CCDC39: variants seen among roughly 807,000 people sequenced by gnomAD.
CCDC39 encodes coiled-coil domain 39 molecular ruler complex subunit.
CCDC39 carries 113 observed loss-of-function variants against 121.0 expected under a neutral mutation model. The observed-to-expected ratio is 0.93, with a 90% CI of 0.80 to 1.09. CCDC39 has a LOEUF of 1.09. CCDC39 is among the 50% of genes least tolerant of loss of function. The pLI is 0.00. For missense variants in CCDC39, 1,063 were observed against 1,074.7 expected (o/e 0.99, Z 0.15); for synonymous variants, 349 against 352.2 (o/e 0.99, Z 0.10).
In CCDC39 at chr3:180,636,165, T is replaced by C. The variant is rs533405938; in HGVS notation, c.1875-4573A>G. On this transcript the variant is annotated intron_variant, in intron 13 of 19. Transcript: ENST00000476379. ...AATAGGAAGAGAGGAAGTCAAACTA[T>C]CCTTGTTTGCAGATGATATGATTCT... Among the ~76,000 whole-genome samples, 3 of 152,262 alleles carry C rather than the reference T, an allele frequency of 2.0e-5. No homozygotes were observed. The South Asian group carries it at 6.2e-4, about 32-fold the overall frequency.
At position 180,648,336 on chromosome 3, in the gene CCDC39, G is replaced by A. The variant is rs748978157; in HGVS notation, c.1191C>T (p.Leu397=). 1.9e-6 allele frequency: 3 copies of A among 1,582,992 alleles called. No homozygotes were observed. Among genetic ancestry groups the A allele is most frequent in the South Asian group, 2.4e-5 (2 of 84,910 alleles). ...DVKEVDVQLN[L]IKGVLFKKAQ... ...CTTTCTTAAACAGCACACCTTTTATGAGGTTCAGTTGAACATCTACTTCCT... is the reference window on the plus strand; with the variant it reads ...CTTTCTTAAACAGCACACCTTTTATAAGGTTCAGTTGAACATCTACTTCCT... The change falls in exon 10 of 20, where the codon CTC becomes CTT. Residue 397 remains leucine (L), a synonymous_variant. Transcript: ENST00000476379.
intron 1 of CCDC39, among the ~76,000 whole-genome samples, chr3:180,674,366 A>G (rs565968514): frequency 6.7e-4 from 102 of 152,282 alleles, no homozygotes; most frequent in African/African-American, 2.4e-3. Flanking sequence ...TATCAGCTTA[A>G]GGAGATTTTG....
intron 1 of CCDC39, among the ~76,000 whole-genome samples, chr3:180,670,843 G>A (rs1478890071): frequency 6.6e-6 from 1 of 152,074 alleles, no homozygotes; most frequent in Non-Finnish European, 1.5e-5. Flanking sequence ...GGATGAAGGG[G>A]AAGCAGCTTT....
At position 180,616,683 on chromosome 3, in the gene CCDC39, T is replaced by G. The variant is rs1229093848; in HGVS notation, c.2419A>C (p.Thr807Pro). 3 of 1,589,552 alleles carry G rather than the reference T, an allele frequency of 1.9e-6. No homozygotes were observed. In the South Asian group the frequency reaches 3.4e-5, roughly 18 times the overall value. ...ERVTKQCAKL[T>P]KEIRLLKDTK... ...TCTTTCAAAAGACGGATTTCCTTTG[T>G]GAGTTTTGCACACTGTTGGTAAATA... The change falls in exon 18 of 20, where the codon ACA becomes CCA. Residue 807 changes from threonine to proline, a missense_variant. By Grantham distance (38) the Thr-to-Pro change is conservative. Transcript: ENST00000476379.
Position 180,642,127 on chromosome 3 carries a change from T to C in CCDC39, c.1740A>G (p.Glu580=), listed in dbSNP as rs1717968493. The C allele has an allele frequency of 6.2e-7, 1 of 1,613,020 alleles. No homozygotes were observed. The highest frequency in any genetic ancestry group is 8.5e-7 in the Non-Finnish European group (1 of 1,179,196). Residue 580 remains glutamate, a synonymous_variant, in exon 13 of 20, where the codon GAA becomes GAG. Transcript: ENST00000476379. ...TTCTTTTTTCTAGGGAAAGAACTTC[T>C]TCTGCCTTACTGTGAAGCATTTCTC... ...RTREMLHSKA[E]EVLSLEKRKQ...
intron 16 of CCDC39, chr3:180,617,377 C>T: frequency 1.7e-6 from 1 of 583,730 alleles, no homozygotes. Context: ...TATTATTTTA[C>T]AGTGTACTCC....
At chr3:180,626,543 C>A (rs547988083) in intron 14 of CCDC39, among the ~76,000 whole-genome samples, 6 of 152,118 alleles carry the variant, frequency 3.9e-5, no homozygotes, top group African/African-American at 1.4e-4. Flanking sequence ...CAGCAGGAAT[C>A]GTCACCAGAG....
intron 13 of CCDC39, 127 bp from the exon 14 acceptor site, chr3:180,631,719 C>G (rs992779919): frequency 1.3e-6 from 1 of 757,378 alleles, no homozygotes; most frequent in East Asian, 2.8e-5. Flanking sequence ...TAAATTTGTT[C>G]TCACGTTTTA....
intron 17 of CCDC39, 26 bp from the exon 18 acceptor site, chr3:180,616,721 T>A (rs1400993016): frequency 6.3e-7 from 1 of 1,574,898 alleles, no homozygotes; most frequent in South Asian, 1.2e-5. Context: ...AGTCAATTAT[T>A]CTATAAACGT....
chr3:180,652,993 A>G (rs1275787486), intron 7 of CCDC39, among the ~76,000 whole-genome samples: 1 of 152,214 alleles, frequency 6.6e-6, no homozygotes. Flanking sequence ...AACATTGATG[A>G]GAGAAATTGT....
chr3:180,677,160 T>TAAC (rs1712242303), intron 1 of CCDC39, among the ~76,000 whole-genome samples: 1 of 80,162 alleles, frequency 1.2e-5, no homozygotes, highest in Non-Finnish European at 2.2e-5. Context: ...ATAATAATAA[T>TAAC]AATAATTTTA....
chr3:180,669,779 A>G (rs923799676), intron 1 of CCDC39, among the ~76,000 whole-genome samples: 3 of 152,156 alleles, frequency 2.0e-5, no homozygotes, highest in Non-Finnish European at 4.4e-5. Context: ...TATCTACACA[A>G]AATGCTTTTT....
chr3:180,665,108 G>A (rs1253696595), intron 1 of CCDC39, among the ~76,000 whole-genome samples: 1 of 152,132 alleles, frequency 6.6e-6, no homozygotes, highest in Non-Finnish European at 1.5e-5. Context: ...CATCAAGCAT[G>A]ATTTCTTCTC....
chr3:180,623,202 T>C (rs1447876497), intron 14 of CCDC39, among the ~76,000 whole-genome samples: 2 of 151,496 alleles, frequency 1.3e-5, no homozygotes, highest in African/African-American at 4.8e-5. Context: ...ATTATATGTT[T>C]CCAGAAATTT....
Position 180,678,658 on chromosome 3 carries a change from A to AT in CCDC39, c.90+632dup, listed in dbSNP as rs796685277. 5.2e-3 allele frequency among the ~76,000 whole-genome samples: 757 copies of AT among 144,888 alleles called. 3 individuals are homozygous for AT. The highest frequency in any genetic ancestry group is 0.025 in the South Asian group (114 of 4,582). Reference sequence around the variant, plus strand: ...TGTGAGCCACTGCGCCCGGCCTGCAATTTTTTTTTTTTTAACAACTGCTAT... The same window carrying AT: ...TGTGAGCCACTGCGCCCGGCCTGCAATTTTTTTTTTTTTTAACAACTGCTAT... On this transcript the variant is annotated intron_variant, in intron 1 of 19. Transcript: ENST00000476379.
intron 2 of CCDC39, among the ~76,000 whole-genome samples, chr3:180,662,500 A>T (rs1711765224): frequency 6.6e-6 from 1 of 152,126 alleles, no homozygotes. Context: ...GTAATAAAAG[A>T]GTATGTGTTA....
chr3:180,630,708 T>C (rs549472088), intron 14 of CCDC39, among the ~76,000 whole-genome samples: 1 of 152,308 alleles, frequency 6.6e-6, no homozygotes, highest in South Asian at 2.1e-4. Flanking sequence ...GAGAATAGCA[T>C]TCAATTCCAC....
intron 14 of CCDC39, 25 bp downstream of exon 14, chr3:180,631,444 A>C: frequency 6.3e-7 from 1 of 1,581,320 alleles, no homozygotes; most frequent in African/African-American, 1.3e-5. Flanking sequence ...TCATACCATC[A>C]CAACTGTGAA....
In CCDC39 at chr3:180,616,907, T is replaced by A. The variant is rs748476314; in HGVS notation, c.2325A>T (p.Leu775Phe). 1 of 1,560,342 alleles carries A rather than the reference T, an allele frequency of 6.4e-7. No homozygotes were observed. The highest frequency in any genetic ancestry group is 8.8e-7 in the Non-Finnish European group (1 of 1,136,856). ...EHLANNVKEKLSEKQAYSFQL... is the reference protein window; with the variant it reads ...EHLANNVKEKFSEKQAYSFQL... ...GAAATGAATAAGCCTGCTTCTCTGATAACTTTTCTTTAACATTATTTGCCA... is the reference window on the plus strand; with the variant it reads ...GAAATGAATAAGCCTGCTTCTCTGAAAACTTTTCTTTAACATTATTTGCCA... The change falls in exon 17 of 20, where the codon TTA (leucine) becomes TTT (phenylalanine). Residue 775 changes from leucine (L) to phenylalanine (F), a missense_variant. Leu to Phe is a conservative substitution (Grantham distance 22). Coordinates refer to ENST00000476379, the MANE Select transcript of CCDC39 (RefSeq NM_181426.2).
Sources: allele counts gnomAD v4.1 joint callset (sites outside exome capture counted in the v4.1 genomes callset), GRCh38; gene constraint gnomAD v4.1.1; transcripts MANE v1.5; gene names NCBI Gene and HGNC (gene_info 2026-07-23, HGNC 2026-07-21).